CELF2: variants seen among roughly 807,000 people sequenced by gnomAD.
The protein encoded by CELF2 is CUG triplet repeat RNA-binding protein 2.
In CELF2, 8 loss-of-function variants were observed where a neutral mutation model predicts 62.6. The observed-to-expected ratio is 0.13, with a 90% CI of 0.07 to 0.23. The LOEUF (loss-of-function observed/expected upper bound fraction) is 0.23, where lower values mean the gene tolerates loss of function less well. Among genes scored for constraint, CELF2 ranks in the 10% least tolerant of loss-of-function variants. The pLI, the probability that CELF2 is intolerant of heterozygous loss-of-function variation, is 1.00. For synonymous variants in CELF2, 258 were observed against 250.0 expected (o/e 1.03, Z -0.30); for missense variants, 333 against 671.0 (o/e 0.50, Z 5.56).
At chr10:11,152,799 A>G (rs995436256) in intron 1 of CELF2, among the ~76,000 whole-genome samples, 28 of 152,328 alleles carry the variant, frequency 1.8e-4, no homozygotes, top group African/African-American at 5.8e-4. Context: ...TGACCTGCTA[A>G]AATTTCAGTA....
intron 2 of CELF2, among the ~76,000 whole-genome samples, chr10:10,969,996 C>T (rs1014289544): frequency 5.3e-5 from 8 of 152,058 alleles, no homozygotes; most frequent in East Asian, 3.8e-4. Flanking sequence ...TGGAGGGGGG[C>T]GGCTTCTAAT....
At chr10:11,326,707 G>T (rs892716204) in intron 12 of CELF2, among the ~76,000 whole-genome samples, 1 of 152,082 alleles carries the variant, frequency 6.6e-6, no homozygotes, top group African/African-American at 2.4e-5. Context: ...AACCCTATTG[G>T]CCCCCAAAGC....
upstream of CELF2, among the ~76,000 whole-genome samples, chr10:11,014,392 T>C (rs566879151): frequency 2.6e-5 from 4 of 152,350 alleles, no homozygotes; most frequent in South Asian, 8.3e-4. Flanking sequence ...CAAGGTTGTC[T>C]GCACGAGCAG....
intron 2 of CELF2, among the ~76,000 whole-genome samples, chr10:11,196,908 G>A (rs891565354): frequency 8.0e-5 from 12 of 149,610 alleles, no homozygotes; most frequent in Admixed American, 2.0e-4. Context: ...GCAGTGAGCC[G>A]AGATCGCACC....
At chr10:10,872,170 T>C (rs754176821) in intron 1 of CELF2, among the ~76,000 whole-genome samples, 3 of 152,200 alleles carry the variant, frequency 2.0e-5, no homozygotes, top group Non-Finnish European at 4.4e-5. Flanking sequence ...GTTGGAATCT[T>C]TTTGGCAAGT....
At chr10:11,003,023 C>CATG (rs2054673231), upstream of CELF2, among the ~76,000 whole-genome samples, 1 of 152,182 alleles carries the variant, frequency 6.6e-6, no homozygotes, top group Non-Finnish European at 1.5e-5. This position sits in a 1 kb window ranked among gnomAD's most constrained non-coding sequence, Gnocchi z 4.4. Flanking sequence ...CAAAGACTTA[C>CATG]TATATACACT....
the CELF2 span, among the ~76,000 whole-genome samples, chr10:10,652,049 T>G: frequency 1.3e-5 from 2 of 148,474 alleles, no homozygotes; most frequent in Non-Finnish European, 3.0e-5. Flanking sequence ...AGCTGAAAAC[T>G]AAGGCTCGAG....
the CELF2 span, among the ~76,000 whole-genome samples, chr10:10,733,076 T>C: frequency 6.6e-6 from 1 of 152,100 alleles, no homozygotes; most frequent in Non-Finnish European, 1.5e-5. Context: ...AAAAATAACA[T>C]CAGGGCACAA....
At position 11,145,383 on chromosome 10, in the gene CELF2, T is replaced by C. The variant is rs1313567409; in HGVS notation, c.75-20103T>C. On this transcript the variant is annotated intron_variant, in intron 1 of 12. Transcript: ENST00000633077. The surrounding 1 kb of genome is among the most constrained non-coding windows in gnomAD (Gnocchi z 4.3). ...AGGAGCGTCTCTGAAAGGTGCTTTG[T>C]GCTGACCAAGCAAATAATAGCAGGT... Among the ~76,000 whole-genome samples the C allele has an allele frequency of 2.0e-5, 3 of 152,216 alleles. No homozygotes were observed. Among genetic ancestry groups the C allele is most frequent in the Non-Finnish European group, 4.4e-5 (3 of 68,038 alleles).
At chr10:11,219,109 A>C (rs999625974) in intron 3 of CELF2, among the ~76,000 whole-genome samples, 4 of 152,212 alleles carry the variant, frequency 2.6e-5, no homozygotes, top group African/African-American at 9.6e-5. Context: ...TTTAAGGTAT[A>C]GTGTAGTTTG....
At chr10:10,489,074 C>G in the CELF2 span, among the ~76,000 whole-genome samples, 1 of 152,064 alleles carries the variant, frequency 6.6e-6, no homozygotes, top group Non-Finnish European at 1.5e-5. Flanking sequence ...ATACACATCT[C>G]AAACACCCAG....
At chr10:10,554,698 G>A in the CELF2 span, among the ~76,000 whole-genome samples, 1 of 152,016 alleles carries the variant, frequency 6.6e-6, no homozygotes, top group Non-Finnish European at 1.5e-5. Context: ...TACCCTATTT[G>A]GCTTTTCAGC....
At chr10:10,575,592 TTC>T in the CELF2 span, among the ~76,000 whole-genome samples, 1 of 152,194 alleles carries the variant, frequency 6.6e-6, no homozygotes, top group African/African-American at 2.4e-5. Flanking sequence ...ACCATGTGGT[TTC>T]TCTGTCTGAC....
chr10:11,179,408 G>A (rs940349470), intron 2 of CELF2, among the ~76,000 whole-genome samples: 3 of 152,208 alleles, frequency 2.0e-5, no homozygotes, highest in Non-Finnish European at 4.4e-5. Flanking sequence ...CTTGCTGAAG[G>A]ACTGTATCTT....
the CELF2 span, among the ~76,000 whole-genome samples, chr10:10,505,848 G>T: frequency 6.6e-6 from 1 of 152,146 alleles, no homozygotes; most frequent in Non-Finnish European, 1.5e-5. Flanking sequence ...TTTAAAATGT[G>T]CCTATTGCTA....
the CELF2 span, among the ~76,000 whole-genome samples, chr10:10,747,861 C>T: frequency 6.6e-6 from 1 of 152,172 alleles, no homozygotes; most frequent in Admixed American, 6.5e-5. Context: ...CATGTGCCAC[C>T]ACGCCTGGCT....
At chr10:10,571,629 C>G in the CELF2 span, among the ~76,000 whole-genome samples, 1 of 151,968 alleles carries the variant, frequency 6.6e-6, no homozygotes, top group Non-Finnish European at 1.5e-5. Context: ...GTTAATAATG[C>G]AAAAATGACT....
At chr10:11,143,011 G>A (rs188948502) in intron 1 of CELF2, among the ~76,000 whole-genome samples, 69 of 141,792 alleles carry the variant, frequency 4.9e-4, no homozygotes, top group South Asian at 2.1e-3. Context: ...CCACTGGGGG[G>A]ACTCACTCCC....
the CELF2 span, among the ~76,000 whole-genome samples, chr10:10,504,687 C>T: frequency 6.6e-6 from 1 of 152,110 alleles, no homozygotes; most frequent in African/African-American, 2.4e-5. Context: ...TTGTTATAGC[C>T]CTATATGTCC....
Sources: allele counts gnomAD v4.1 joint callset (sites outside exome capture counted in the v4.1 genomes callset), GRCh38; gene constraint gnomAD v4.1.1; non-coding constraint Gnocchi (gnomAD v3.1); transcripts MANE v1.5; gene names NCBI Gene and HGNC (gene_info 2026-07-23, HGNC 2026-07-21).